Variants in MALRD1 observed in about 807,000 individuals in gnomAD.
MALRD1 encodes MAM and LDL-receptor class A domain-containing protein 1.
A neutral mutation model predicts 242.1 loss-of-function variants in MALRD1; 247 were observed. That is an observed-to-expected ratio of 1.02 (90% CI 0.92 to 1.13). The LOEUF is 1.13. MALRD1 is among the 50% of genes most tolerant of loss of function. The pLI is 0.00. For synonymous variants in MALRD1, 995 were observed against 866.6 expected, an observed-to-expected ratio of 1.15 and a Z score of -2.60; for missense variants, 2,989 against 2,533.1, an observed-to-expected ratio of 1.18 and a Z score of -3.86.
chr10:19,159,310 A>G (rs974186238), intron 12 of MALRD1, among the ~76,000 whole-genome samples: 7 of 152,136 alleles, frequency 4.6e-5, no homozygotes, highest in African/African-American at 1.7e-4. Flanking sequence ...TTGAGGAGCT[A>G]TAGATATCTT....
intron 28 of MALRD1, among the ~76,000 whole-genome samples, chr10:19,411,142 C>G (rs1315275905): frequency 2.0e-5 from 3 of 152,126 alleles, no homozygotes; most frequent in Admixed American, 6.5e-5. Flanking sequence ...TATTATGTAG[C>G]AATTGTCCAC....
chr10:19,393,192 A>G (rs1021775112), intron 28 of MALRD1, among the ~76,000 whole-genome samples: 1 of 152,122 alleles, frequency 6.6e-6, no homozygotes, highest in African/African-American at 2.4e-5. Flanking sequence ...ATAATAGTTC[A>G]TTTTTAAAAT....
chr10:19,397,690 A>T (rs58209373), intron 28 of MALRD1, among the ~76,000 whole-genome samples: 3,089 of 152,216 alleles, frequency 0.02, 97 homozygotes, highest in African/African-American at 0.07. Flanking sequence ...GTACTAATTT[A>T]TAATCCCACT....
At chr10:19,225,366 C>T (rs1226368554) in intron 18 of MALRD1, among the ~76,000 whole-genome samples, 1 of 152,156 alleles carries the variant, frequency 6.6e-6, no homozygotes, top group Non-Finnish European at 1.5e-5. Flanking sequence ...TTCTGTGATA[C>T]ATCAAAACCT....
intron 21 of MALRD1, among the ~76,000 whole-genome samples, chr10:19,321,568 A>T (rs1036323321): frequency 1.3e-5 from 2 of 152,148 alleles, no homozygotes; most frequent in Non-Finnish European, 2.9e-5. Context: ...AATCATAAAG[A>T]TCTAATCAGC....
chr10:19,081,054 C>G (rs1179403221), intron 2 of MALRD1, among the ~76,000 whole-genome samples: 1 of 151,998 alleles, frequency 6.6e-6, no homozygotes, highest in Non-Finnish European at 1.5e-5. Flanking sequence ...CAAATCAAAA[C>G]CACAATGAGA....
At chr10:19,104,188 G>T in intron 5 of MALRD1, 113 bp downstream of exon 5, 1 of 588,542 alleles carries the variant, frequency 1.7e-6, no homozygotes, top group Non-Finnish European at 2.5e-6. Context: ...TTTTCATGTG[G>T]GATATTTTTC....
chr10:19,467,587 A>C (rs1441420148), intron 29 of MALRD1, among the ~76,000 whole-genome samples: 4 of 151,572 alleles, frequency 2.6e-5, no homozygotes. Context: ...GGGGGAAAGG[A>C]TGTAATTCAC....
chr10:19,253,962 A>C (rs189451460), intron 18 of MALRD1, among the ~76,000 whole-genome samples: 1 of 151,928 alleles, frequency 6.6e-6, no homozygotes, highest in African/African-American at 2.4e-5. Context: ...ATGGTTTTAT[A>C]AGGGGTTTCA....
chr10:19,452,889 T>C (rs1487881918), intron 29 of MALRD1, among the ~76,000 whole-genome samples: 1 of 152,188 alleles, frequency 6.6e-6, no homozygotes, highest in African/African-American at 2.4e-5. Context: ...CATCTGGCTG[T>C]GTCATCTGGC....
intron 28 of MALRD1, among the ~76,000 whole-genome samples, chr10:19,420,019 C>A (rs1417675835): frequency 2.6e-5 from 4 of 152,066 alleles, no homozygotes; most frequent in South Asian, 4.1e-4. Flanking sequence ...ATAAAATTTT[C>A]TTTTTAATTC....
intron 12 of MALRD1, among the ~76,000 whole-genome samples, chr10:19,156,408 A>T (rs1290173365): frequency 3.7e-5 from 5 of 135,942 alleles, no homozygotes; most frequent in Admixed American, 7.6e-5. Flanking sequence ...CCACCTCTTT[A>T]TTTTCATTAA....
At chr10:19,557,851 T>C (rs1403151371) in intron 32 of MALRD1, among the ~76,000 whole-genome samples, 1 of 152,068 alleles carries the variant, frequency 6.6e-6, no homozygotes, top group Non-Finnish European at 1.5e-5. Flanking sequence ...AATCTATAAA[T>C]TAAGTTGGGA....
At chr10:19,129,875 A>T (rs1837398821) in intron 8 of MALRD1, among the ~76,000 whole-genome samples, 1 of 150,214 alleles carries the variant, frequency 6.7e-6, no homozygotes, top group Non-Finnish European at 1.5e-5. Context: ...CCATATAGAT[A>T]TAAATATATA....
At chr10:19,646,060 A>G (rs929265808) in intron 36 of MALRD1, among the ~76,000 whole-genome samples, 47 of 152,312 alleles carry the variant, frequency 3.1e-4, no homozygotes, top group African/African-American at 1.1e-3. Flanking sequence ...TATTTTTATA[A>G]TAAACATGGA....
intron 36 of MALRD1, among the ~76,000 whole-genome samples, chr10:19,665,910 C>T (rs767346651): frequency 6.6e-6 from 1 of 150,808 alleles, no homozygotes; most frequent in Admixed American, 6.6e-5. Flanking sequence ...AATTCCTTGC[C>T]GTAACAGAAA....
chr10:19,123,372 C>A (rs997111049), intron 5 of MALRD1, 120 bp from the exon 6 acceptor site: 4 of 412,926 alleles, frequency 9.7e-6, no homozygotes, highest in African/African-American at 4.1e-5. Context: ...GGTGATGATA[C>A]CATAAAGAGA....
At chr10:19,603,361 A>G (rs975696091) in intron 34 of MALRD1, among the ~76,000 whole-genome samples, 1 of 152,140 alleles carries the variant, frequency 6.6e-6, no homozygotes, top group South Asian at 2.1e-4. Flanking sequence ...ATCTTGAATT[A>G]ATTTTTGTAT....
intron 33 of MALRD1, among the ~76,000 whole-genome samples, chr10:19,570,394 G>A (rs1427577683): frequency 6.6e-6 from 1 of 152,046 alleles, no homozygotes; most frequent in African/African-American, 2.4e-5. Flanking sequence ...TGGCAAGAAA[G>A]GTTAAGTAAT....
Sources: allele counts gnomAD v4.1 joint callset (sites outside exome capture counted in the v4.1 genomes callset), GRCh38; gene constraint gnomAD v4.1.1; transcripts MANE v1.5; gene names NCBI Gene and HGNC (gene_info 2026-07-23, HGNC 2026-07-21).